Variants in SLC26A2 observed in about 807,000 individuals in gnomAD.
The protein encoded by SLC26A2 is solute carrier family 26 member 2, also known as sulfate transporter.
In SLC26A2, 36 loss-of-function variants were observed where a neutral mutation model predicts 41.1. The observed-to-expected ratio is 0.88, with a 90% CI of 0.67 to 1.16. The LOEUF is 1.16. Ranked by LOEUF, SLC26A2 falls within the 50% of genes most tolerant of loss-of-function variation. The pLI, the probability that SLC26A2 is intolerant of heterozygous loss-of-function variation, is 0.00. For missense variants in SLC26A2, 796 were observed against 869.6 expected (o/e 0.92, Z 1.07); for synonymous variants, 291 against 311.6 (o/e 0.93, Z 0.70).
intron 1 of SLC26A2, among the ~76,000 whole-genome samples, chr5:149,963,965 G>A (rs1337206359): frequency 2.0e-5 from 3 of 152,072 alleles, no homozygotes; most frequent in Non-Finnish European, 4.4e-5. Context: ...AGGCCCCAAG[G>A]GCAAAGGCTG....
chr5:149,969,315 A>T (rs548304123), intron 1 of SLC26A2, among the ~76,000 whole-genome samples: 13 of 152,336 alleles, frequency 8.5e-5, no homozygotes, highest in Non-Finnish European at 1.8e-4. Flanking sequence ...AATTCAGCAG[A>T]GAATGAGGTA....
rs1339890555 is a variant in SLC26A2 at position 149,960,952 on chromosome 5, G to C, written c.-53G>C. On this transcript the variant is annotated 5_prime_UTR_variant, in exon 1 of 3. Coordinates refer to ENST00000286298, the MANE Select transcript of SLC26A2 (RefSeq NM_000112.4). Reference sequence around the variant, plus strand: ...TGGAAGACGCGTGCCGCGGCGCCTGGTTGCCTGCAGCGGCCCGGACCCGAG... The same window carrying C: ...TGGAAGACGCGTGCCGCGGCGCCTGCTTGCCTGCAGCGGCCCGGACCCGAG... 6.5e-6 allele frequency: 1 copy of C among 152,738 alleles called. No individual in the cohort carries two copies. The highest frequency in any genetic ancestry group is 3.1e-3 in the Middle Eastern group (1 of 324). 9.5% of individuals were successfully genotyped at this position (152,738 alleles called of 1,614,324 possible).
rs1173173318 is a variant in SLC26A2, at chr5:149,981,952, A to G, written c.*139A>G. 1 of 645,022 alleles carries G rather than the reference A, an allele frequency of 1.6e-6. No homozygotes were observed. Among genetic ancestry groups the G allele is most frequent in the Non-Finnish European group, 2.7e-6 (1 of 372,612 alleles). The allele number at this position is 645,022 out of a possible 1,614,324, so 40.0% of individuals were successfully genotyped here. On this transcript the variant is annotated 3_prime_UTR_variant, in exon 3 of 3. Transcript: ENST00000286298. ...AGATATTATTCCTCCTTTGAAGCTA[A>G]TGGCATTTGTATATACACACTGCAG...
In SLC26A2 at chr5:149,982,254, C is replaced by T. The variant is rs1346861190; in HGVS notation, c.*441C>T. On this transcript the variant is annotated 3_prime_UTR_variant, in exon 3 of 3. Coordinates refer to ENST00000286298, the MANE Select transcript of SLC26A2 (RefSeq NM_000112.4). ...AAGAATGTTGCACCTGCTCTAGTAC[C>T]ATAGGTCAAGAGGCTTCTGGATCAC... The T allele has an allele frequency of 6.3e-6, 1 of 159,310 alleles. No homozygotes were observed. Among genetic ancestry groups the T allele is most frequent in the Non-Finnish European group, 1.4e-5 (1 of 72,468 alleles). 9.9% of individuals were successfully genotyped at this position (159,310 alleles called of 1,614,324 possible).
At chr5:149,973,799 C>T (rs570795048) in intron 1 of SLC26A2, among the ~76,000 whole-genome samples, 1 of 152,024 alleles carries the variant, frequency 6.6e-6, no homozygotes, top group South Asian at 2.1e-4. Context: ...CATGCCTGGC[C>T]TCTTATCTTT....
Position 149,981,712 on chromosome 5 carries a change from C to G in SLC26A2, c.2119C>G (p.Leu707Val). Residue 707 changes from leucine (L) to valine (V), a missense_variant, in exon 3 of 3, where the codon CTT becomes GTT. Leu to Val is a conservative substitution (Grantham distance 32, BLOSUM62 1). Transcript: ENST00000286298. The part of the protein sequence containing the change: ...GEYCKKEEEN[L>V]LFYSVYEAMA... ...ATATTGCAAAAAGGAAGAAGAAAAC[C>G]TTCTCTTCTATAGTGTGTATGAAGC... The G allele has an allele frequency of 6.2e-7, 1 of 1,611,108 alleles. No homozygotes were observed.
In SLC26A2 at chr5:149,981,518, AT is replaced by A. The variant is rs1481910744; in HGVS notation, c.1926del (p.Leu644TrpfsTer6). ...GAAATGTCAGTGCAACTTTCCCATG[AT>A]CCCTTGGAGCTGCATACTATAGTGA... ...QDEMSVQLSH[D>X]PLELHTIVID... is the part of the protein sequence containing the mutation. On this transcript the variant is annotated frameshift_variant, in exon 3 of 3. Transcript: ENST00000286298. LOFTEE classifies it high-confidence loss of function. The A allele has an allele frequency of 6.2e-7, 1 of 1,614,112 alleles. No homozygotes were observed. The highest frequency in any genetic ancestry group is 8.5e-7 in the Non-Finnish European group (1 of 1,180,000).
chr5:149,980,206 T>C, intron 2 of SLC26A2, 87 bp from the exon 3 acceptor site: 1 of 987,418 alleles, frequency 1.0e-6, no homozygotes, highest in Admixed American at 1.7e-5. Context: ...TCTGATGATA[T>C]GTCTCCATGC....
intron 1 of SLC26A2, among the ~76,000 whole-genome samples, chr5:149,965,079 T>G (rs963283091): frequency 2.0e-5 from 3 of 152,198 alleles, no homozygotes; most frequent in Non-Finnish European, 2.9e-5. Context: ...GTTCCATGTA[T>G]CATTCTTTCA....
At chr5:149,972,465 A>G (rs550717198) in intron 1 of SLC26A2, among the ~76,000 whole-genome samples, 1 of 152,198 alleles carries the variant, frequency 6.6e-6, no homozygotes, top group African/African-American at 2.4e-5. Flanking sequence ...TGAAACTGGA[A>G]TGTGTAGAGT....
intron 2 of SLC26A2, among the ~76,000 whole-genome samples, chr5:149,979,162 A>C (rs1755050517): frequency 6.6e-6 from 1 of 152,182 alleles, no homozygotes. Flanking sequence ...AGGAGAAAGG[A>C]TAAGAAATCA....
chr5:149,963,104 A>G, intron 1 of SLC26A2, among the ~76,000 whole-genome samples: 1 of 151,004 alleles, frequency 6.6e-6, no homozygotes, highest in Non-Finnish European at 1.5e-5. Context: ...TTATTTATTT[A>G]TTTATTTATT....
intron 1 of SLC26A2, among the ~76,000 whole-genome samples, chr5:149,969,897 C>T (rs753555476): frequency 6.6e-6 from 1 of 152,152 alleles, no homozygotes. Flanking sequence ...TACTCTAAAC[C>T]TTTCTGTTAT....
At chr5:149,973,332 A>T (rs1039904438) in intron 1 of SLC26A2, among the ~76,000 whole-genome samples, 1 of 152,172 alleles carries the variant, frequency 6.6e-6, no homozygotes, top group African/African-American at 2.4e-5. Context: ...AATTGAAAAA[A>T]TGAATTTTAC....
At position 149,986,337 on chromosome 5, in the gene SLC26A2, A is replaced by G. The variant is rs1238938100; in HGVS notation, c.*4524A>G. 1 of 152,216 alleles carries G rather than the reference A, an allele frequency of 6.6e-6. No individual in the cohort carries two copies. Among genetic ancestry groups the G allele is most frequent in the Non-Finnish European group, 1.5e-5 (1 of 68,038 alleles). 9.4% of individuals were successfully genotyped at this position (152,216 alleles called of 1,614,324 possible). On this transcript the variant is annotated 3_prime_UTR_variant, in exon 3 of 3. Coordinates refer to ENST00000286298, the MANE Select transcript of SLC26A2 (RefSeq NM_000112.4). ...AATCATTAACTTGGTTGCTAATTAC[A>G]AGAATGAAAATTATAATGGAAAAGG... is the stretch of plus-strand genomic sequence containing the variant.
Position 149,980,357 on chromosome 5 carries a change from G to C in SLC26A2, c.764G>C (p.Gly255Ala), listed in dbSNP as rs104893917. Residue 255 changes from glycine (G) to alanine (A), a missense_variant, in exon 3 of 3, where the codon GGA becomes GCA. Physicochemically the swap from Gly to Ala is moderately conservative, Grantham distance 60. Transcript: ENST00000286298. Reference sequence around the variant, plus strand: ...TACCTCTCAGATGCCTTGCTGAGTGGATTTGTCACTGGTGCCTCCTTCACT... The same window carrying C: ...TACCTCTCAGATGCCTTGCTGAGTGCATTTGTCACTGGTGCCTCCTTCACT... ...SVYLSDALLS[G>A]FVTGASFTIL... 6.2e-7 allele frequency: 1 copy of C among 1,614,004 alleles called. No homozygotes were observed. Among genetic ancestry groups the C allele is most frequent in the South Asian group, 1.1e-5 (1 of 91,076 alleles).
At position 149,982,617 on chromosome 5, in the gene SLC26A2, G is replaced by C. The variant is rs1306203521; in HGVS notation, c.*804G>C. The C allele has an allele frequency of 6.6e-6, 1 of 152,114 alleles. No individual in the cohort carries two copies. The highest frequency in any genetic ancestry group is 2.4e-5 in the African/African-American group (1 of 41,420). 9.4% of individuals were successfully genotyped at this position (152,114 alleles called of 1,614,324 possible). A position where few individuals can be genotyped will look rare whatever the true frequency, so the allele number is the denominator to read the frequency against. On this transcript the variant is annotated 3_prime_UTR_variant, in exon 3 of 3. Transcript: ENST00000286298. ...TTTCTGAGACTTTCTCTACCATTAAGCTCTATTTTAGCTTTCAGTTATTCT... is the reference window on the plus strand; with the variant it reads ...TTTCTGAGACTTTCTCTACCATTAACCTCTATTTTAGCTTTCAGTTATTCT...
At position 149,985,897 on chromosome 5, in the gene SLC26A2, G is replaced by A. The variant is rs1755190690; in HGVS notation, c.*4084G>A. 1 of 152,220 alleles carries A rather than the reference G, an allele frequency of 6.6e-6. No individual in the cohort carries two copies. Among genetic ancestry groups the A allele is most frequent in the South Asian group, 2.1e-4 (1 of 4,830 alleles). The allele number at this position is 152,220 out of a possible 1,614,324, so 9.4% of individuals were successfully genotyped here. A position where few individuals can be genotyped will look rare whatever the true frequency, so the allele number is the denominator to read the frequency against. On this transcript the variant is annotated 3_prime_UTR_variant, in exon 3 of 3. Coordinates refer to ENST00000286298, the MANE Select transcript of SLC26A2 (RefSeq NM_000112.4). ...AGGGTACTTAGGGAGGTGCTTTGTGGAGCATGTTGAAGCTTTGAGATCTGA... is the reference window on the plus strand; with the variant it reads ...AGGGTACTTAGGGAGGTGCTTTGTGAAGCATGTTGAAGCTTTGAGATCTGA...
At position 149,960,897 on chromosome 5, in the gene SLC26A2, G is replaced by T. The variant is rs1184761617; in HGVS notation, c.-108G>T. ...GACAGGCAGGTATAGCTCTGTCGGC[G>T]CCGCGGTGTCCACCTCAGTCAGGCC... On this transcript the variant is annotated 5_prime_UTR_variant, in exon 1 of 3. Coordinates refer to ENST00000286298, the MANE Select transcript of SLC26A2 (RefSeq NM_000112.4). 6.6e-6 allele frequency: 1 copy of T among 152,318 alleles called. No homozygotes were observed. Among genetic ancestry groups the T allele is most frequent in the Non-Finnish European group, 1.5e-5 (1 of 68,100 alleles). 9.4% of individuals were successfully genotyped at this position (152,318 alleles called of 1,614,324 possible).
Sources: allele counts gnomAD v4.1 joint callset (sites outside exome capture counted in the v4.1 genomes callset), GRCh38; gene constraint gnomAD v4.1.1; transcripts MANE v1.5; gene names NCBI Gene and HGNC (gene_info 2026-07-23, HGNC 2026-07-21).